The following DOK6 variants were observed in gnomAD, a reference collection of about 807,000 sequenced individuals.
The protein encoded by DOK6 is docking protein 6.
Under a neutral mutation model 44.0 loss-of-function variants are expected in DOK6, and 22 were observed. That is an observed-to-expected ratio of 0.50 (90% CI 0.36 to 0.71). DOK6 has a LOEUF of 0.71. DOK6 is among the 30% of genes least tolerant of loss of function. The pLI is 0.00. For missense variants in DOK6, 340 were observed against 416.4 expected (o/e 0.82, Z 1.60); for synonymous variants, 166 against 145.5 (o/e 1.14, Z -1.01).
At chr18:69,744,925 T>A (rs1162139434) in intron 6 of DOK6, among the ~76,000 whole-genome samples, 40 of 89,732 alleles carry the variant, frequency 4.5e-4, no homozygotes, top group Admixed American at 8.2e-4. Context: ...ACACTCCATC[T>A]AAAAAAAAAA....
intron 5 of DOK6, among the ~76,000 whole-genome samples, chr18:69,712,008 G>A (rs113685353): frequency 1.3e-4 from 19 of 151,922 alleles, no homozygotes; most frequent in South Asian, 2.1e-4. Context: ...TCGGCCGGGC[G>A]CGGTGGCTCA....
chr18:69,443,418 C>T (rs1979190961), intron 1 of DOK6, among the ~76,000 whole-genome samples: 2 of 152,132 alleles, frequency 1.3e-5, no homozygotes, highest in African/African-American at 4.8e-5. Flanking sequence ...TTTATCTTCT[C>T]TTTGTTCTGC....
intron 3 of DOK6, chr18:69,659,861 T>TAACATATATGTATGTTTTATAC (rs1985470438): frequency 2.9e-5 from 1 of 35,042 alleles, no homozygotes; most frequent in East Asian, 3.9e-4. Context: ...TATATATATA[T>TAACATATATGTATGTTTTATAC]ATATAAAACA....
At chr18:69,734,519 T>C (rs538177705) in intron 5 of DOK6, among the ~76,000 whole-genome samples, 1 of 152,008 alleles carries the variant, frequency 6.6e-6, no homozygotes, top group South Asian at 2.1e-4. Context: ...CTTTGAAGAA[T>C]TTCATTATGT....
intron 5 of DOK6, among the ~76,000 whole-genome samples, chr18:69,712,709 T>TG (rs1986795121): frequency 6.6e-6 from 1 of 151,500 alleles, no homozygotes; most frequent in African/African-American, 2.4e-5. Flanking sequence ...TAGCCAGGAG[T>TG]GGGGGTGTGC....
rs149341681 is a variant in DOK6, at chr18:69,752,937, C to A, written c.739-4819C>A. Among the ~76,000 whole-genome samples, 603 of 152,322 alleles carry A rather than the reference C, an allele frequency of 4.0e-3. 4 individuals are homozygous for A. The highest frequency in any genetic ancestry group is 0.01 in the Middle Eastern group (3 of 294). On this transcript the variant is annotated intron_variant, in intron 6 of 7. Transcript: ENST00000382713. ...GGGGGCTGCTAGCAACCCTGCCCAG[C>A]CTTTGCCTTGGAGGAAAATAGGATC...
chr18:69,713,774 C>T (rs1349331579), intron 5 of DOK6, among the ~76,000 whole-genome samples: 1 of 152,076 alleles, frequency 6.6e-6, no homozygotes, highest in Non-Finnish European at 1.5e-5. Flanking sequence ...ACCTTTTTTA[C>T]ACCTCCTCCT....
At chr18:69,709,180 G>C (rs1445839438) in intron 5 of DOK6, among the ~76,000 whole-genome samples, 2 of 152,090 alleles carry the variant, frequency 1.3e-5, no homozygotes, top group Admixed American at 6.5e-5. Context: ...GTATGACTCT[G>C]GTGTCACTTA....
At chr18:69,474,336 A>T (rs1218600848) in intron 1 of DOK6, among the ~76,000 whole-genome samples, 1 of 152,124 alleles carries the variant, frequency 6.6e-6, no homozygotes, top group Admixed American at 6.5e-5. Context: ...GAACAATTAT[A>T]AAAGCAACAT....
intron 3 of DOK6, among the ~76,000 whole-genome samples, chr18:69,665,405 T>A (rs994831543): frequency 6.6e-6 from 1 of 152,148 alleles, no homozygotes; most frequent in African/African-American, 2.4e-5. Context: ...GGTATTTGAT[T>A]ATTTGTACCT....
intron 1 of DOK6, among the ~76,000 whole-genome samples, chr18:69,458,302 T>G (rs373291280): frequency 4.9e-4 from 75 of 152,272 alleles, no homozygotes; most frequent in African/African-American, 1.7e-3. Flanking sequence ...AAAACATATA[T>G]CATCTCAACA....
At chr18:69,756,177 T>TTC (rs1979348278) in intron 6 of DOK6, among the ~76,000 whole-genome samples, 1 of 152,184 alleles carries the variant, frequency 6.6e-6, no homozygotes, top group Non-Finnish European at 1.5e-5. Flanking sequence ...CCGGGGAGCC[T>TTC]TCCTTATCTG....
chr18:69,681,246 AG>A (rs1298982363), intron 4 of DOK6, among the ~76,000 whole-genome samples: 1 of 152,246 alleles, frequency 6.6e-6, no homozygotes, highest in Non-Finnish European at 1.5e-5. Context: ...GTATTCTATC[AG>A]TATCAAGTCA....
chr18:69,818,593 C>T (rs1981472204), intron 7 of DOK6, among the ~76,000 whole-genome samples: 4 of 152,160 alleles, frequency 2.6e-5, no homozygotes, highest in African/African-American at 9.7e-5. Flanking sequence ...CCCAAATGAC[C>T]TAGGATAATC....
In DOK6 at chr18:69,757,815, C is replaced by T. The variant is rs149944817; in HGVS notation, c.798C>T (p.Ser266=). 2.4e-3 allele frequency: 3,834 copies of T among 1,614,134 alleles called. 9 individuals are homozygous for T. Among genetic ancestry groups the T allele is most frequent in the Middle Eastern group, 3.0e-3 (18 of 6,060 alleles). ...TLSKSISLPR[S]AYWHHITRQN... is the part of the protein sequence containing the mutation. The stretch of plus-strand genomic sequence containing the variant: ...CCAAATCAATATCTCTTCCTCGCAG[C>T]GCGTACTGGCATCACATCACTCGTC... The change falls in exon 7 of 8, where the codon AGC becomes AGT. Residue 266 remains serine (S), a synonymous_variant. Transcript: ENST00000382713.
At chr18:69,426,180 G>C (rs1274828301) in intron 1 of DOK6, among the ~76,000 whole-genome samples, 1 of 152,012 alleles carries the variant, frequency 6.6e-6, no homozygotes, top group Non-Finnish European at 1.5e-5. Flanking sequence ...ATATGTGTAG[G>C]TAATATATGG....
intron 1 of DOK6, among the ~76,000 whole-genome samples, chr18:69,438,522 G>C (rs1399476359): frequency 1.3e-5 from 2 of 152,110 alleles, no homozygotes; most frequent in Non-Finnish European, 2.9e-5. Context: ...CATAAGAGTT[G>C]AAATCAGCTT....
At chr18:69,440,875 G>T (rs1315940547) in intron 1 of DOK6, among the ~76,000 whole-genome samples, 2 of 152,042 alleles carry the variant, frequency 1.3e-5, no homozygotes, top group East Asian at 1.9e-4. Context: ...ACTTGACATT[G>T]TCTGATTGAA....
At chr18:69,456,878 G>A (rs1979647117) in intron 1 of DOK6, among the ~76,000 whole-genome samples, 1 of 152,140 alleles carries the variant, frequency 6.6e-6, no homozygotes, top group African/African-American at 2.4e-5. Context: ...CTGTGGTTTT[G>A]ATTTGCATTT....
Sources: allele counts gnomAD v4.1 joint callset (sites outside exome capture counted in the v4.1 genomes callset), GRCh38; gene constraint gnomAD v4.1.1; transcripts MANE v1.5; gene names NCBI Gene and HGNC (gene_info 2026-07-23, HGNC 2026-07-21).